The following LHCGR variants were observed in gnomAD, a reference collection of about 807,000 sequenced individuals.
LHCGR encodes the protein lutropin-choriogonadotropic hormone receptor.
LHCGR carries 55 observed loss-of-function variants against 60.7 expected under a neutral mutation model. The observed-to-expected ratio is 0.91, with a 90% CI of 0.73 to 1.13. The LOEUF (loss-of-function observed/expected upper bound fraction) is 1.13. LHCGR is among the 50% of genes most tolerant of loss of function. The probability of loss-of-function intolerance (pLI) is 0.00; values close to 1 mark genes in which losing one functional copy is unlikely to be tolerated. For synonymous variants in LHCGR, 337 were observed against 316.5 expected, an observed-to-expected ratio of 1.06 and a Z score of -0.69; for missense variants, 862 against 836.0, an observed-to-expected ratio of 1.03 and a Z score of -0.38.
intron 1 of LHCGR, among the ~76,000 whole-genome samples, chr2:48,732,067 T>G (rs553799832): frequency 6.6e-6 from 1 of 152,188 alleles, no homozygotes; most frequent in African/African-American, 2.4e-5. Flanking sequence ...TATGCTGTAC[T>G]TAAGATTTGA....
chr2:48,708,108 C>T (rs753061317), intron 8 of LHCGR, among the ~76,000 whole-genome samples: 20 of 152,302 alleles, frequency 1.3e-4, no homozygotes, highest in Middle Eastern at 3.4e-3. Context: ...TCTTCTGCAT[C>T]GATCTCGCTG....
At chr2:48,718,019 G>C (rs573351990) in intron 6 of LHCGR, among the ~76,000 whole-genome samples, 1 of 151,710 alleles carries the variant, frequency 6.6e-6, no homozygotes, top group Non-Finnish European at 1.5e-5. Flanking sequence ...AAATGTGAGT[G>C]GGAGACCTCA....
chr2:48,751,166 A>G (rs1669939367), intron 1 of LHCGR, among the ~76,000 whole-genome samples: 1 of 152,166 alleles, frequency 6.6e-6, no homozygotes, highest in South Asian at 2.1e-4. Context: ...GTGACTCCTA[A>G]TCATGGTTTT....
intron 1 of LHCGR, 85 bp from the exon 2 acceptor site, chr2:48,731,383 G>A (rs1175008738): frequency 1.1e-6 from 1 of 877,210 alleles, no homozygotes; most frequent in East Asian, 2.4e-5. Flanking sequence ...GTATGTGTAT[G>A]TGTGTGAGAG....
chr2:48,687,541 T>C lies in LHCGR; in HGVS notation c.*156A>G. ...ATAGTTTTTAGTGTGGCAGTGGTCA[T>C]AGACTACACTTTCTACTAGGTAGAG... On this transcript the variant is annotated 3_prime_UTR_variant, in exon 11 of 11. Coordinates refer to ENST00000294954, the MANE Select transcript of LHCGR (RefSeq NM_000233.4). 1 of 630,634 alleles carries C rather than the reference T, an allele frequency of 1.6e-6. No individual in the cohort carries two copies. Among genetic ancestry groups the C allele is most frequent in the African/African-American group, 1.8e-5 (1 of 54,648 alleles). The allele number at this position is 630,634 out of a possible 1,614,324, so 39.1% of individuals were successfully genotyped here. A position where few individuals can be genotyped will look rare whatever the true frequency, so the allele number is the denominator to read the frequency against.
chr2:48,708,757 T>A, intron 8 of LHCGR, 191 bp downstream of exon 8: 1 of 628,112 alleles, frequency 1.6e-6, no homozygotes, highest in Non-Finnish European at 2.9e-6. Context: ...AAAATTTCTG[T>A]TGTCTAAGCC....
intron 9 of LHCGR, among the ~76,000 whole-genome samples, chr2:48,696,348 A>C (rs557022123): frequency 1.3e-5 from 2 of 152,348 alleles, no homozygotes; most frequent in East Asian, 3.9e-4. Flanking sequence ...CTACTTCCAA[A>C]AGGTTGCTTG....
At chr2:48,729,401 G>A (rs1023539781) in intron 2 of LHCGR, among the ~76,000 whole-genome samples, 174 bp from the exon 3 acceptor site, 1 of 152,174 alleles carries the variant, frequency 6.6e-6, no homozygotes, top group African/African-American at 2.4e-5. Context: ...TCTCCCTTTA[G>A]GAGCACTGAT....
chr2:48,726,893 G>A (rs967820261), intron 3 of LHCGR, among the ~76,000 whole-genome samples: 1 of 152,090 alleles, frequency 6.6e-6, no homozygotes. Context: ...ATTTGTCTTC[G>A]GTCACACAGC....
chr2:48,707,332 C>T (rs1667736885), intron 8 of LHCGR, among the ~76,000 whole-genome samples: 1 of 152,240 alleles, frequency 6.6e-6, no homozygotes, highest in Non-Finnish European at 1.5e-5. Context: ...TGGTTGTCAG[C>T]CCCTACTGGG....
intron 1 of LHCGR, 28 bp from the exon 2 acceptor site, chr2:48,731,326 GT>G: frequency 6.5e-7 from 1 of 1,542,278 alleles, no homozygotes; most frequent in Non-Finnish European, 8.9e-7. Context: ...AAATCCAAGA[GT>G]TTAAGATTTA....
chr2:48,734,327 C>T (rs1669126747), intron 1 of LHCGR, among the ~76,000 whole-genome samples: 1 of 152,166 alleles, frequency 6.6e-6, no homozygotes, highest in South Asian at 2.1e-4. Flanking sequence ...CCTCCTCCTG[C>T]ACATGAACAT....
rs1233926904 is a variant in LHCGR, at chr2:48,741,640, C to T, written c.162-10342G>A. ...AAAATACTTTACAGACAAGCAAATG[C>T]TGAGAGATTTTGTCACCACCAGGCC... On this transcript the variant is annotated intron_variant, in intron 1 of 10. Coordinates refer to ENST00000294954, the MANE Select transcript of LHCGR (RefSeq NM_000233.4). Among the ~76,000 whole-genome samples, 18 of 151,264 alleles carry T rather than the reference C, an allele frequency of 1.2e-4. 1 individual carries two copies. The highest frequency in any genetic ancestry group is 4.2e-4 in the South Asian group (2 of 4,728).
At chr2:48,697,099 C>T (rs556722876) in intron 9 of LHCGR, among the ~76,000 whole-genome samples, 71 of 152,316 alleles carry the variant, frequency 4.7e-4, no homozygotes, top group Middle Eastern at 3.4e-3. Context: ...TTGGCTTCCT[C>T]TTCTGACTCA....
At chr2:48,734,222 T>G (rs2103646822) in intron 1 of LHCGR, among the ~76,000 whole-genome samples, 1 of 152,288 alleles carries the variant, frequency 6.6e-6, no homozygotes, top group South Asian at 2.1e-4. Flanking sequence ...TGGGTGGATC[T>G]TCAAATCATG....
At chr2:48,694,418 CT>C in intron 9 of LHCGR, 114 bp from the exon 10 acceptor site, 6 of 708,162 alleles carry the variant, frequency 8.5e-6, no homozygotes, top group South Asian at 7.6e-5. Flanking sequence ...ACACCAGCAT[CT>C]CGTTCTGCAC....
At chr2:48,697,727 C>T (rs548651753) in intron 9 of LHCGR, among the ~76,000 whole-genome samples, 1 of 152,104 alleles carries the variant, frequency 6.6e-6, no homozygotes, top group Non-Finnish European at 1.5e-5. Context: ...CCTTAGGCTG[C>T]AATAATAACC....
At chr2:48,692,053 T>G (rs1445790260) in intron 10 of LHCGR, among the ~76,000 whole-genome samples, 1 of 152,132 alleles carries the variant, frequency 6.6e-6, no homozygotes, top group Non-Finnish European at 1.5e-5. Flanking sequence ...AGTGTGGTCC[T>G]TGGATCAGCT....
At chr2:48,732,787 G>A (rs1336331770) in intron 1 of LHCGR, 2 of 522,764 alleles carry the variant, frequency 3.8e-6, no homozygotes, top group African/African-American at 1.9e-5. Flanking sequence ...GGTGCTAATA[G>A]GGAGGAAATT....
Sources: allele counts gnomAD v4.1 joint callset (sites outside exome capture counted in the v4.1 genomes callset), GRCh38; gene constraint gnomAD v4.1.1; transcripts MANE v1.5; gene names NCBI Gene and HGNC (gene_info 2026-07-23, HGNC 2026-07-21).